Variants in CAMTA1 observed in about 807,000 individuals in gnomAD.
CAMTA1 encodes calmodulin binding transcription activator 1, also known as calmodulin-binding transcription activator 1.
CAMTA1 carries 27 observed loss-of-function variants against 170.9 expected under a neutral mutation model. The ratio of observed to expected loss-of-function variants is 0.16; its 90% CI spans 0.12 to 0.22. The LOEUF is 0.22. Ranked by LOEUF, CAMTA1 falls within the 10% of genes least tolerant of loss-of-function variation. CAMTA1 has a pLI of 1.00. For synonymous variants in CAMTA1, 833 were observed against 891.5 expected (o/e 0.93, Z 1.17); for missense variants, 1,619 against 2,217.2 (o/e 0.73, Z 5.42).
At chr1:6,799,686 T>C (rs1046578598) in intron 1 of CAMTA1, among the ~76,000 whole-genome samples, 9 of 152,180 alleles carry the variant, frequency 5.9e-5, no homozygotes, top group African/African-American at 2.2e-4. Context: ...CCATTAATAA[T>C]AATTACTATT....
Position 7,673,761 on chromosome 1 carries a change from A to T in CAMTA1, c.2779+2724A>T, listed in dbSNP as rs1350684204. On this transcript the variant is annotated intron_variant, in intron 10 of 22. Transcript: ENST00000303635. This position sits in a 1 kb window ranked among gnomAD's most constrained non-coding sequence, Gnocchi z 4.6. ...TGCTTTGAGGCCCAAATTGGAACAC[A>T]TTGCTCTGTAAAACAGCACTGGATG... Among the ~76,000 whole-genome samples, 1 of 151,788 alleles carries T rather than the reference A, an allele frequency of 6.6e-6. No individual in the cohort carries two copies. The highest frequency in any genetic ancestry group is 1.5e-5 in the Non-Finnish European group (1 of 67,928).
At position 7,064,358 on chromosome 1, in the gene CAMTA1, T is replaced by C. The variant is rs976188716; in HGVS notation, c.235-26946T>C. ...CCTACCTTCATGACTTGTCTCATATTAATTAGCTTCTGAAGATCTCACCTC... is the reference window on the plus strand; with the variant it reads ...CCTACCTTCATGACTTGTCTCATATCAATTAGCTTCTGAAGATCTCACCTC... On this transcript the variant is annotated intron_variant, in intron 3 of 22. Coordinates refer to ENST00000303635, the MANE Select transcript of CAMTA1 (RefSeq NM_015215.4). This position sits in a 1 kb window ranked among gnomAD's most constrained non-coding sequence, Gnocchi z 5.4. Among the ~76,000 whole-genome samples, 1 of 152,208 alleles carries C rather than the reference T, an allele frequency of 6.6e-6. No individual in the cohort carries two copies. The highest frequency in any genetic ancestry group is 2.4e-5 in the African/African-American group (1 of 41,452).
rs1038273946 is a variant in CAMTA1 at position 7,251,823 on chromosome 1, C to G, written c.438+2197C>G. 6.6e-6 allele frequency among the ~76,000 whole-genome samples: 1 copy of G among 152,102 alleles called. No individual in the cohort carries two copies. The highest frequency in any genetic ancestry group is 1.5e-5 in the Non-Finnish European group (1 of 68,024). On this transcript the variant is annotated intron_variant, in intron 5 of 22. Coordinates refer to ENST00000303635, the MANE Select transcript of CAMTA1 (RefSeq NM_015215.4). The surrounding 1 kb of genome is among the most constrained non-coding windows in gnomAD (Gnocchi z 5.1). ...GACACTTCCTAGGTCAGATGGGATA[C>G]AAGCTGAGCCCTTAAAGTCGGGTGG...
At chr1:7,698,224 A>C (rs967700014) in intron 11 of CAMTA1, 1 of 152,374 alleles carries the variant, frequency 6.6e-6, no homozygotes, top group Non-Finnish European at 1.5e-5. Context: ...CAGAAGAAGA[A>C]GAATTGTCTT....
intron 6 of CAMTA1, among the ~76,000 whole-genome samples, chr1:7,509,857 G>A (rs955076023): frequency 1.3e-5 from 2 of 151,892 alleles, no homozygotes; most frequent in African/African-American, 4.8e-5. Flanking sequence ...CGAGCTATGT[G>A]GTCCAAAGTC....
intron 5 of CAMTA1, among the ~76,000 whole-genome samples, chr1:7,305,190 C>G (rs2149576446): frequency 6.6e-6 from 1 of 152,108 alleles, no homozygotes; most frequent in East Asian, 1.9e-4. Context: ...TATTTTTGGA[C>G]TATCTATTCT....
At chr1:7,504,657 T>G (rs979874460) in intron 6 of CAMTA1, among the ~76,000 whole-genome samples, 2 of 152,222 alleles carry the variant, frequency 1.3e-5, no homozygotes, top group African/African-American at 4.8e-5. Context: ...CCCACAGCCA[T>G]GTACTAGAGG....
chr1:7,198,820 C>G (rs572376383), intron 4 of CAMTA1, among the ~76,000 whole-genome samples: 4 of 152,282 alleles, frequency 2.6e-5, no homozygotes, highest in African/African-American at 7.2e-5. Flanking sequence ...TTGCACACCG[C>G]TGCTCCATTC....
chr1:7,464,909 C>T (rs1253492288), intron 5 of CAMTA1, among the ~76,000 whole-genome samples: 1 of 152,272 alleles, frequency 6.6e-6, no homozygotes, highest in Non-Finnish European at 1.5e-5. Flanking sequence ...GCAGGCTCCA[C>T]CTCTCGCCGA....
chr1:7,030,154 A>G (rs909540105), intron 3 of CAMTA1, among the ~76,000 whole-genome samples: 8 of 152,274 alleles, frequency 5.3e-5, no homozygotes, highest in African/African-American at 1.9e-4. Context: ...TGTTAGTTGC[A>G]GCGCAGAATC....
At chr1:6,814,435 G>T (rs558580394) in intron 1 of CAMTA1, among the ~76,000 whole-genome samples, 1 of 152,090 alleles carries the variant, frequency 6.6e-6, no homozygotes, top group Non-Finnish European at 1.5e-5. Context: ...TTGAGGCATG[G>T]GTATCATGCC....
intron 3 of CAMTA1, among the ~76,000 whole-genome samples, chr1:6,863,094 A>T (rs1571093830): frequency 6.6e-6 from 1 of 152,206 alleles, no homozygotes; most frequent in African/African-American, 2.4e-5. Flanking sequence ...TACATTGTGT[A>T]ATGATTAGCA....
At chr1:7,029,107 A>C (rs1398958545) in intron 3 of CAMTA1, among the ~76,000 whole-genome samples, 2 of 152,158 alleles carry the variant, frequency 1.3e-5, no homozygotes, top group African/African-American at 4.8e-5. Flanking sequence ...GGGTTGTTAG[A>C]GGGTAACAAG....
intron 1 of CAMTA1, among the ~76,000 whole-genome samples, chr1:6,800,760 A>G (rs1046550140): frequency 1.3e-5 from 2 of 152,168 alleles, no homozygotes; most frequent in South Asian, 2.1e-4. Context: ...GTCATTGATC[A>G]TATCACATCT....
chr1:7,274,720 C>T lies in CAMTA1; in HGVS notation c.438+25094C>T, dbSNP rs184999228. On this transcript the variant is annotated intron_variant, in intron 5 of 22. Coordinates refer to ENST00000303635, the MANE Select transcript of CAMTA1 (RefSeq NM_015215.4). ...AATCTCATTACATTTAAAAAGATTA[C>T]TGCTTCTCTGACAGTAACTGAATTA... 8.5e-5 allele frequency among the ~76,000 whole-genome samples: 13 copies of T among 152,230 alleles called. No homozygotes were observed. The East Asian group carries it at 1.7e-3, about 20-fold the overall frequency.
intron 5 of CAMTA1, among the ~76,000 whole-genome samples, chr1:7,423,353 C>T (rs2091689670): frequency 6.6e-6 from 1 of 151,920 alleles, no homozygotes; most frequent in African/African-American, 2.4e-5. Context: ...GCCTGTAATC[C>T]CAGCTACTTG....
At chr1:7,679,232 C>T (rs1338240850) in intron 11 of CAMTA1, among the ~76,000 whole-genome samples, 2 of 152,222 alleles carry the variant, frequency 1.3e-5, no homozygotes, top group Non-Finnish European at 2.9e-5. Flanking sequence ...GAGTCAGGAA[C>T]TCTCCAGAGC....
intron 6 of CAMTA1, among the ~76,000 whole-genome samples, chr1:7,500,794 C>T (rs1427375371): frequency 1.3e-5 from 2 of 152,092 alleles, no homozygotes; most frequent in Admixed American, 1.3e-4. Flanking sequence ...GGAGCAGAAC[C>T]TCTTTCCTTT....
At chr1:7,477,459 T>A (rs2093438970) in intron 6 of CAMTA1, among the ~76,000 whole-genome samples, 1 of 152,084 alleles carries the variant, frequency 6.6e-6, no homozygotes, top group Admixed American at 6.5e-5. Context: ...ATTGCTCAAT[T>A]CCATTAAGAT....
Sources: allele counts gnomAD v4.1 joint callset (sites outside exome capture counted in the v4.1 genomes callset), GRCh38; gene constraint gnomAD v4.1.1; non-coding constraint Gnocchi (gnomAD v3.1); transcripts MANE v1.5; gene names NCBI Gene and HGNC (gene_info 2026-07-23, HGNC 2026-07-21).